VDR: variants seen among roughly 807,000 people sequenced by gnomAD.
The protein encoded by VDR is vitamin D3 receptor.
In VDR, 19 loss-of-function variants were observed where a neutral mutation model predicts 39.7. That is an observed-to-expected ratio of 0.48 (90% CI 0.33 to 0.70). VDR has a LOEUF of 0.70. VDR is among the 30% of genes least tolerant of loss of function. The probability of loss-of-function intolerance (pLI) is 0.02; values close to 1 mark genes in which losing one functional copy is unlikely to be tolerated. For synonymous variants in VDR, 242 were observed against 215.8 expected (o/e 1.12, Z -1.07); for missense variants, 442 against 570.5 (o/e 0.77, Z 2.29).
intron 3 of VDR, among the ~76,000 whole-genome samples, chr12:47,869,954 G>A (rs1945817633): frequency 6.6e-6 from 1 of 152,268 alleles, no homozygotes; most frequent in South Asian, 2.1e-4. Flanking sequence ...TGGCGCCCTT[G>A]CTTCTGCTTA....
chr12:47,862,768 C>G (rs963714124), intron 4 of VDR, among the ~76,000 whole-genome samples: 2 of 152,236 alleles, frequency 1.3e-5, no homozygotes, highest in African/African-American at 4.8e-5. Context: ...ATGTGCAGCT[C>G]TCCCAGGGTT....
intron 7 of VDR, among the ~76,000 whole-genome samples, chr12:47,855,267 A>G (rs1565612022): frequency 6.6e-6 from 1 of 151,812 alleles, no homozygotes; most frequent in African/African-American, 2.4e-5. Context: ...GGCGGAGGTT[A>G]TAGTGAGCCA....
chr12:47,865,275 T>G, intron 3 of VDR, 98 bp from the exon 4 acceptor site: 1 of 1,576,644 alleles, frequency 6.3e-7, no homozygotes, highest in Non-Finnish European at 8.6e-7. Flanking sequence ...TGGTCTCCAT[T>G]TCTCCAACAG....
rs750175824 is a variant in VDR at position 47,846,345 on chromosome 12, G to C, written c.1014C>G (p.Ile338Met). 1 of 1,607,012 alleles carries C rather than the reference G, an allele frequency of 6.2e-7. No individual in the cohort carries two copies. Among genetic ancestry groups the C allele is most frequent in the Non-Finnish European group, 8.5e-7 (1 of 1,177,772 alleles). The change falls in exon 9 of 10, where the codon ATC (isoleucine) becomes ATG (methionine). Residue 338 changes from isoleucine (I) to methionine (M), a missense_variant. Physicochemically the swap from Ile to Met is conservative, Grantham distance 10. Coordinates refer to ENST00000549336, the MANE Select transcript of VDR (RefSeq NM_000376.3). ...TGCCTGGCCCCATACCTGGGGAGAC[G>C]ATGCAGATGGCCATGAGCAGGACAT... ...EEHVLLMAICIVSPDRPGVQD... is the reference protein window; with the variant it reads ...EEHVLLMAICMVSPDRPGVQD...
At position 47,846,368 on chromosome 12, in the gene VDR, C is replaced by T; in HGVS notation, c.991G>A (p.Val331Ile). ...ACGATGCAGATGGCCATGAGCAGGA[C>T]ATGCTCCTCCTCATGCAAGTTCAGC... is the stretch of plus-strand genomic sequence containing the variant. ...KKLNLHEEEH[V>I]LLMAICIVSP... The change falls in exon 9 of 10, where the codon GTC (valine) becomes ATC (isoleucine). Residue 331 changes from valine to isoleucine, a missense_variant. Transcript: ENST00000549336. 1 of 1,602,286 alleles carries T rather than the reference C, an allele frequency of 6.2e-7. No individual in the cohort carries two copies.
intron 3 of VDR, 78 bp from the exon 4 acceptor site, chr12:47,865,255 C>T: frequency 3.1e-6 from 5 of 1,590,036 alleles, no homozygotes; most frequent in Non-Finnish European, 4.3e-6. Flanking sequence ...GACCTGTCTT[C>T]TGGGCCCCCT....
At chr12:47,859,947 CTTTCTT>C (rs1945591550) in intron 4 of VDR, among the ~76,000 whole-genome samples, 2 of 134,630 alleles carry the variant, frequency 1.5e-5, no homozygotes, top group African/African-American at 5.9e-5. Context: ...TTCTTTCTTT[CTTTCTT>C]TCTTTCTTTC....
At chr12:47,894,343 AG>A (rs1946425924) in intron 1 of VDR, among the ~76,000 whole-genome samples, 1 of 152,254 alleles carries the variant, frequency 6.6e-6, no homozygotes, top group Non-Finnish European at 1.5e-5. Context: ...TTTCTGGCAG[AG>A]GCAAACATCC....
At chr12:47,846,157 G>A (rs907650956) in intron 9 of VDR, among the ~76,000 whole-genome samples, 178 bp downstream of exon 9, 1 of 152,226 alleles carries the variant, frequency 6.6e-6, no homozygotes, top group Non-Finnish European at 1.5e-5. Context: ...GCAGTGAGGG[G>A]CACCTCAGCG....
intron 1 of VDR, chr12:47,899,809 G>T: frequency 1.2e-6 from 1 of 806,682 alleles, no homozygotes; most frequent in Non-Finnish European, 1.5e-6. Context: ...TCCCCACTAT[G>T]CCTGCTAGAG....
chr12:47,903,687 T>C (rs947472076), intron 1 of VDR, among the ~76,000 whole-genome samples: 1 of 152,106 alleles, frequency 6.6e-6, no homozygotes, highest in Non-Finnish European at 1.5e-5. Flanking sequence ...TTTCCTAATT[T>C]CTTTTGCTCA....
At chr12:47,846,238 T>G in intron 9 of VDR, 97 bp downstream of exon 9, 1 of 1,004,456 alleles carries the variant, frequency 1.0e-6, no homozygotes, top group Non-Finnish European at 1.5e-6. Flanking sequence ...TTTTGCTACG[T>G]CTCCCTTCAG....
At position 47,882,723 on chromosome 12, in the gene VDR, C is replaced by A. The variant is rs1946179006; in HGVS notation, c.-32G>T. On this transcript the variant is annotated 5_prime_UTR_variant, in exon 2 of 10. Coordinates refer to ENST00000549336, the MANE Select transcript of VDR (RefSeq NM_000376.3). Reference sequence around the variant, plus strand: ...AGGAGCAGGGGGCAGGTAAGTGGAGCCCAGGGGTGCTCTTCTGTGAGGTCT... The same window carrying A: ...AGGAGCAGGGGGCAGGTAAGTGGAGACCAGGGGTGCTCTTCTGTGAGGTCT... 14 of 1,498,724 alleles carry A rather than the reference C, an allele frequency of 9.3e-6. No homozygotes were observed. The highest frequency in any genetic ancestry group is 1.2e-5 in the Non-Finnish European group (14 of 1,127,514). The allele number at this position is 1,498,724 out of a possible 1,614,324, so 92.8% of individuals were successfully genotyped here. A position where few individuals can be genotyped will look rare whatever the true frequency, so the allele number is the denominator to read the frequency against.
chr12:47,861,357 T>C (rs570827913), intron 4 of VDR, among the ~76,000 whole-genome samples: 1 of 152,350 alleles, frequency 6.6e-6, no homozygotes, highest in Non-Finnish European at 1.5e-5. Flanking sequence ...CTCCATCTTC[T>C]ATGGAGGTAA....
rs17886628 is a variant in VDR at position 47,904,462 on chromosome 12, T to TAAAAAAAAAAAAAAA, written c.-84+478_-84+492dup. ...AACTCATTGGTAGTTCAAAGAAAAGTAAAAAAAAAAAAAAAAAAAAAAAAA... is the reference window on the plus strand; with the variant it reads ...AACTCATTGGTAGTTCAAAGAAAAGTAAAAAAAAAAAAAAAAAAAAAAAAAAAAAAAAAAAAAAAA... On this transcript the variant is annotated intron_variant, in intron 1 of 9. Transcript: ENST00000549336. The TAAAAAAAAAAAAAAA allele has an allele frequency of 3.0e-4, 108 of 360,186 alleles. 1 individual carries two copies. Among genetic ancestry groups the TAAAAAAAAAAAAAAA allele is most frequent in the East Asian group, 2.3e-3 (34 of 14,642 alleles). The allele number at this position is 360,186 out of a possible 1,614,324, so 22.3% of individuals were successfully genotyped here.
At chr12:47,887,335 A>C (rs1254451502) in intron 1 of VDR, among the ~76,000 whole-genome samples, 2 of 150,370 alleles carry the variant, frequency 1.3e-5, no homozygotes, top group African/African-American at 4.9e-5. Context: ...AAAAAAAAAA[A>C]AAAAAACAAA....
At chr12:47,846,061 G>T (rs948058033) in intron 9 of VDR, among the ~76,000 whole-genome samples, 1 of 152,228 alleles carries the variant, frequency 6.6e-6, no homozygotes, top group Non-Finnish European at 1.5e-5. Context: ...GCGCAGGCCT[G>T]TCTGTGGCCC....
intron 1 of VDR, among the ~76,000 whole-genome samples, chr12:47,903,091 G>T (rs922509742): frequency 6.6e-6 from 1 of 152,222 alleles, no homozygotes; most frequent in Non-Finnish European, 1.5e-5. Context: ...AAGTCTGATG[G>T]CCTCTGCCGA....
In VDR at chr12:47,846,656, CCTTTGGT is replaced by C; in HGVS notation, c.901_907del (p.Thr301ProfsTer7). Reference sequence around the variant, plus strand: ...CCCCAGGAGGTGGAGTCTAGGCATACCTTTGGTCACGTCACTGACGCGGTACTTGTAG... The same window carrying C: ...CCCCAGGAGGTGGAGTCTAGGCATACCACGTCACTGACGCGGTACTTGTAG... On this transcript the variant is annotated frameshift_variant and splice_region_variant, in exon 8 of 10. Transcript: ENST00000549336. LOFTEE classifies it high-confidence loss of function. The C allele has an allele frequency of 6.2e-7, 1 of 1,613,534 alleles. No individual in the cohort carries two copies. Among genetic ancestry groups the C allele is most frequent in the South Asian group, 1.1e-5 (1 of 91,052 alleles).
Sources: gnomAD v4.1 joint callset for allele counts (sites outside exome capture counted in the v4.1 genomes callset) on GRCh38, gnomAD v4.1.1 for gene constraint, MANE v1.5 for transcripts, NCBI Gene and HGNC (gene_info 2026-07-23, HGNC 2026-07-21) for gene names.